Variants in DARS1 observed in about 807,000 individuals in gnomAD.
DARS1 encodes the protein aspartyl-tRNA synthetase 1, also known as aspartate--tRNA ligase, cytoplasmic.
A neutral mutation model predicts 68.8 loss-of-function variants in DARS1; 51 were observed. The ratio of observed to expected loss-of-function variants is 0.74; its 90% CI spans 0.59 to 0.94. The LOEUF is 0.94. Among genes scored for constraint, DARS1 ranks in the 40% least tolerant of loss-of-function variants. The probability of loss-of-function intolerance (pLI) is 0.00; values close to 1 mark genes in which losing one functional copy is unlikely to be tolerated. For synonymous variants in DARS1, 203 were observed against 190.4 expected (o/e 1.07, Z -0.55); for missense variants, 607 against 597.3 (o/e 1.02, Z -0.17).
chr2:135,912,335 G>T, intron 13 of DARS1, 151 bp downstream of exon 13: 1 of 427,356 alleles, frequency 2.3e-6, no homozygotes, highest in Non-Finnish European at 4.3e-6. Context: ...ATATCATTTT[G>T]ACCAGTGGTG....
At chr2:135,912,317 A>G (rs901401248) in intron 13 of DARS1, among the ~76,000 whole-genome samples, 169 bp downstream of exon 13, 1 of 152,228 alleles carries the variant, frequency 6.6e-6, no homozygotes, top group Non-Finnish European at 1.5e-5. Flanking sequence ...GAATATTCAA[A>G]TTTTACAATA....
intron 1 of DARS1, 88 bp downstream of exon 1, chr2:135,985,315 T>G: frequency 1.3e-6 from 2 of 1,519,594 alleles, no homozygotes; most frequent in Non-Finnish European, 1.8e-6. Flanking sequence ...GACAAGGACC[T>G]GTAGGGCCCC....
chr2:135,956,922 C>A (rs539873194), intron 4 of DARS1, among the ~76,000 whole-genome samples: 2 of 149,464 alleles, frequency 1.3e-5, no homozygotes, highest in South Asian at 4.2e-4. Context: ...TACCACCACA[C>A]CTGGCTATTT....
intron 3 of DARS1, among the ~76,000 whole-genome samples, chr2:135,977,567 G>T (rs952766294): frequency 6.6e-6 from 1 of 152,188 alleles, no homozygotes; most frequent in African/African-American, 2.4e-5. Context: ...TAACGGGAGA[G>T]AGACGAGTAA....
intron 5 of DARS1, among the ~76,000 whole-genome samples, chr2:135,940,614 C>T (rs568635396): frequency 6.6e-6 from 1 of 152,214 alleles, no homozygotes; most frequent in Admixed American, 6.5e-5. Context: ...CAGGTATGTC[C>T]TCTCTCACCA....
intron 3 of DARS1, among the ~76,000 whole-genome samples, chr2:135,964,240 G>A (rs1457142982): frequency 6.6e-6 from 1 of 152,180 alleles, no homozygotes. Flanking sequence ...CCACCAAAAT[G>A]TGGCTACCAA....
chr2:135,947,431 A>G (rs1681750055), intron 4 of DARS1, among the ~76,000 whole-genome samples: 1 of 151,754 alleles, frequency 6.6e-6, no homozygotes, highest in Non-Finnish European at 1.5e-5. Context: ...AAAGAAAGAA[A>G]GAAAAAAGAG....
chr2:135,965,205 A>G (rs887635474), intron 3 of DARS1, among the ~76,000 whole-genome samples: 1 of 152,196 alleles, frequency 6.6e-6, no homozygotes, highest in Non-Finnish European at 1.5e-5. Flanking sequence ...AAACTATATC[A>G]CGGAGGAAGG....
At position 135,920,520 on chromosome 2, in the gene DARS1, G is replaced by A; in HGVS notation, c.892C>T (p.His298Tyr). 6.2e-7 allele frequency: 1 copy of A among 1,613,570 alleles called. No homozygotes were observed. The change falls in exon 10 of 16, where the codon CAT becomes TAT. Residue 298 changes from histidine to tyrosine, a missense_variant. Coordinates refer to ENST00000264161, the MANE Select transcript of DARS1 (RefSeq NM_001349.4). ...GLDIEMAFNYHYHEVMEEIAD... is the reference protein window; with the variant it reads ...GLDIEMAFNYYYHEVMEEIAD... ...ATTTCTTCCATAACTTCGTGGTAATGGTAATTAAAAGCCATTTCAATGTCC... is the reference window on the plus strand; with the variant it reads ...ATTTCTTCCATAACTTCGTGGTAATAGTAATTAAAAGCCATTTCAATGTCC...
In DARS1 at chr2:135,907,272, C is replaced by G; in HGVS notation, c.*44G>C. 7.2e-6 allele frequency: 5 copies of G among 695,816 alleles called. No individual in the cohort carries two copies. The highest frequency in any genetic ancestry group is 8.3e-6 in the Non-Finnish European group (4 of 483,086). 43.1% of individuals were successfully genotyped at this position (695,816 alleles called of 1,614,324 possible). On this transcript the variant is annotated 3_prime_UTR_variant, in exon 16 of 16. Transcript: ENST00000264161. The stretch of plus-strand genomic sequence containing the variant: ...TTTTTTTTTTTTTTTGAGGCAGGGT[C>G]TCGCTCTGTCATCCACACTGGAGTT...
chr2:135,916,434 C>T lies in DARS1; in HGVS notation c.960-62G>A, dbSNP rs1051634701. The T allele has an allele frequency of 5.4e-5, 50 of 928,210 alleles. No homozygotes were observed. The Admixed American group carries it at 7.8e-4, about 14-fold the overall frequency. 57.5% of individuals were successfully genotyped at this position (928,210 alleles called of 1,614,324 possible). On this transcript the variant is annotated intron_variant, in intron 10 of 15. Transcript: ENST00000264161. ...GATAAATGTTTCCCCCACAAGAGGT[C>T]ACTGTGGCAATATACAAAAATCAAT...
At chr2:135,920,363 A>G in intron 10 of DARS1, 90 bp downstream of exon 10, 1 of 1,480,362 alleles carries the variant, frequency 6.8e-7, no homozygotes, top group Non-Finnish European at 9.0e-7. Context: ...ATAGAAACTT[A>G]AGTTTGTATG....
intron 10 of DARS1, among the ~76,000 whole-genome samples, chr2:135,918,505 A>G (rs1681050488): frequency 6.6e-6 from 1 of 152,204 alleles, no homozygotes; most frequent in Admixed American, 6.5e-5. Context: ...ACCAAAACTT[A>G]AAATTCCTAA....
chr2:135,914,458 AAG>A lies in DARS1; in HGVS notation c.1149+9_1149+10del. On this transcript the variant is annotated intron_variant, in intron 12 of 15. Coordinates refer to ENST00000264161, the MANE Select transcript of DARS1 (RefSeq NM_001349.4). ...ATTAGAAAAAGAAATCCAGCATATA[AAG>A]AGTCCTACCTTTTCCTTTACCAAAT... The A allele has an allele frequency of 8.0e-7, 1 of 1,256,234 alleles. No homozygotes were observed. The highest frequency in any genetic ancestry group is 1.2e-6 in the Non-Finnish European group (1 of 853,366). 77.8% of individuals were successfully genotyped at this position (1,256,234 alleles called of 1,614,324 possible).
At position 135,932,820 on chromosome 2, in the gene DARS1, TG is replaced by T; in HGVS notation, c.526del (p.Gln176ArgfsTer5). 1 of 1,345,142 alleles carries T rather than the reference TG, an allele frequency of 7.4e-7. No individual in the cohort carries two copies. The highest frequency in any genetic ancestry group is 1.1e-6 in the Non-Finnish European group (1 of 947,806). The allele number at this position is 1,345,142 out of a possible 1,614,324, so 83.3% of individuals were successfully genotyped here. On this transcript the variant is annotated frameshift_variant, in exon 7 of 16. Coordinates refer to ENST00000264161, the MANE Select transcript of DARS1 (RefSeq NM_001349.4). LOFTEE classifies it high-confidence loss of function. ...GEEEGRATVN[Q>X]DTRLDNRVID... is the part of the protein sequence containing the mutation. Reference sequence around the variant, plus strand: ...GACTCTGTTGTCTAATCTTGTATCCTGGTTAACAGTAGCTCTTCCTTCCTAA... The same window carrying T: ...GACTCTGTTGTCTAATCTTGTATCCTGTTAACAGTAGCTCTTCCTTCCTAA...
chr2:135,931,317 G>C (rs1212685900), intron 7 of DARS1, among the ~76,000 whole-genome samples: 1 of 152,130 alleles, frequency 6.6e-6, no homozygotes, highest in African/African-American at 2.4e-5. Context: ...GCTCACTGCA[G>C]ACTCAACCTC....
In DARS1 at chr2:135,907,293, G is replaced by A; in HGVS notation, c.*23C>T. 1.4e-6 allele frequency: 2 copies of A among 1,417,502 alleles called. No homozygotes were observed. Among genetic ancestry groups the A allele is most frequent in the African/African-American group, 1.6e-5 (1 of 64,450 alleles). The allele number at this position is 1,417,502 out of a possible 1,614,324, so 87.8% of individuals were successfully genotyped here. A position where few individuals can be genotyped will look rare whatever the true frequency, so the allele number is the denominator to read the frequency against. On this transcript the variant is annotated 3_prime_UTR_variant, in exon 16 of 16. Coordinates refer to ENST00000264161, the MANE Select transcript of DARS1 (RefSeq NM_001349.4). The stretch of plus-strand genomic sequence containing the variant: ...GGGTCTCGCTCTGTCATCCACACTG[G>A]AGTTAAGTGGCAAAGTGTGAATTTA...
chr2:135,933,875 G>T, intron 6 of DARS1, 35 bp downstream of exon 6: 5 of 1,597,144 alleles, frequency 3.1e-6, no homozygotes, highest in Non-Finnish European at 4.3e-6. Context: ...TAAATATACA[G>T]CGGAAGCATA....
At chr2:135,928,397 T>C (rs1437011638) in intron 7 of DARS1, among the ~76,000 whole-genome samples, 1 of 149,674 alleles carries the variant, frequency 6.7e-6, no homozygotes, top group Non-Finnish European at 1.5e-5. Context: ...ATGTAGAACT[T>C]TTTTTTTTTG....
Sources: allele counts gnomAD v4.1 joint callset (sites outside exome capture counted in the v4.1 genomes callset), GRCh38; gene constraint gnomAD v4.1.1; transcripts MANE v1.5; gene names NCBI Gene and HGNC (gene_info 2026-07-23, HGNC 2026-07-21).